SPMIP8: variants seen among roughly 807,000 people sequenced by gnomAD.
The protein encoded by SPMIP8 is testicular tissue protein Li 196.
the SPMIP8 span, chr16:57,985,120 G>A: frequency 2.2e-6 from 3 of 1,356,002 alleles, no homozygotes; most frequent in South Asian, 3.0e-5. Context: ...GGGCGGGGCT[G>A]GATTGTGGGC....
At chr16:57,976,930 G>A in the SPMIP8 span, among the ~76,000 whole-genome samples, 1 of 152,182 alleles carries the variant, frequency 6.6e-6, no homozygotes, top group African/African-American at 2.4e-5. Flanking sequence ...GAGGCACTGG[G>A]TATCCAGTAA....
chr16:57,977,670 C>T, the SPMIP8 span: 2 of 873,220 alleles, frequency 2.3e-6, no homozygotes, highest in African/African-American at 1.7e-5. Flanking sequence ...TGCTGAGCTC[C>T]AGAAAAATGG....
chr16:57,981,501 CTTTTTTTT>C, the SPMIP8 span, among the ~76,000 whole-genome samples: 1 of 68,976 alleles, frequency 1.4e-5, no homozygotes, highest in Non-Finnish European at 2.5e-5. Flanking sequence ...CTCTCTTTCT[CTTTTTTTT>C]TTTTTTTTTT....
the SPMIP8 span, among the ~76,000 whole-genome samples, chr16:57,977,157 C>T: frequency 2.6e-5 from 4 of 152,156 alleles, no homozygotes; most frequent in East Asian, 3.9e-4. Flanking sequence ...CACCTGTAAT[C>T]CCAGCACTTT....
the SPMIP8 span, chr16:57,986,977 ACTCC>A: frequency 6.3e-6 from 1 of 159,860 alleles, no homozygotes. Context: ...ACCGGCTCAC[ACTCC>A]CTCCCATTGG....
the SPMIP8 span, chr16:57,977,676 A>C: frequency 1.1e-6 from 1 of 920,580 alleles, no homozygotes; most frequent in Non-Finnish European, 1.7e-6. Context: ...GCTCCAGAAA[A>C]ATGGCCTGGC....
the SPMIP8 span, chr16:57,985,619 G>A: frequency 6.6e-7 from 1 of 1,509,148 alleles, no homozygotes; most frequent in South Asian, 1.3e-5. Context: ...CTTTCCTAGC[G>A]CACAGGCAAT....
chr16:57,983,008 C>T, the SPMIP8 span, among the ~76,000 whole-genome samples: 1 of 151,980 alleles, frequency 6.6e-6, no homozygotes. Context: ...CCAGCCTGGG[C>T]GACAGAGCGA....
At chr16:57,987,480 C>A in the SPMIP8 span, 2 of 1,551,776 alleles carry the variant, frequency 1.3e-6, no homozygotes, top group East Asian at 4.9e-5. Flanking sequence ...CCTCAGGTCC[C>A]CTGGCCAGAC....
the SPMIP8 span, chr16:57,985,127 G>A: frequency 7.2e-7 from 1 of 1,380,784 alleles, no homozygotes; most frequent in Non-Finnish European, 9.5e-7. Flanking sequence ...GCTGGATTGT[G>A]GGCGGGGCTT....
chr16:57,985,784 T>G, the SPMIP8 span: 2 of 1,340,206 alleles, frequency 1.5e-6, no homozygotes, highest in Non-Finnish European at 2.0e-6. Flanking sequence ...TCGCATTGGG[T>G]GAAGGCGCCC....
At chr16:57,987,378 C>A in the SPMIP8 span, 1 of 1,583,482 alleles carries the variant, frequency 6.3e-7, no homozygotes, top group African/African-American at 1.4e-5. Flanking sequence ...CCCACCTCAC[C>A]CCTACTTCTC....
At chr16:57,978,322 C>T in the SPMIP8 span, among the ~76,000 whole-genome samples, 1 of 152,088 alleles carries the variant, frequency 6.6e-6, no homozygotes, top group Admixed American at 6.5e-5. Flanking sequence ...GGCTGATAAC[C>T]TGAGGTCAGG....
chr16:57,984,842 G>T, the SPMIP8 span: 1 of 1,563,670 alleles, frequency 6.4e-7, no homozygotes, highest in Non-Finnish European at 8.7e-7. Flanking sequence ...GGAACTGCCG[G>T]GCAGGTGGGC....
At chr16:57,982,068 A>ACCTT in the SPMIP8 span, among the ~76,000 whole-genome samples, 1 of 152,182 alleles carries the variant, frequency 6.6e-6, no homozygotes, top group South Asian at 2.1e-4. Context: ...AGTACCCACC[A>ACCTT]CCTTCCTCCT....
chr16:57,985,246 C>A, the SPMIP8 span: 1 of 1,556,466 alleles, frequency 6.4e-7, no homozygotes, highest in East Asian at 2.3e-5. Context: ...ACTTGAAGCC[C>A]GACGTGACCC....
chr16:57,976,760 C>A, the SPMIP8 span: 1 of 1,130,604 alleles, frequency 8.8e-7, no homozygotes, highest in Non-Finnish European at 1.3e-6. Flanking sequence ...CCCCTCCCTG[C>A]TCCTCCATGA....
chr16:57,980,163 CCTCCAG>C, the SPMIP8 span, among the ~76,000 whole-genome samples: 5 of 152,166 alleles, frequency 3.3e-5, no homozygotes, highest in Non-Finnish European at 5.9e-5. Flanking sequence ...GGAAAGTGTG[CCTCCAG>C]CTTAAGCCCA....
At chr16:57,987,572 C>T in the SPMIP8 span, 11 of 859,958 alleles carry the variant, frequency 1.3e-5, no homozygotes, top group Middle Eastern at 2.7e-4. Flanking sequence ...TAGAGACACA[C>T]GCAATTGTCT....
Sources: gnomAD v4.1 joint callset for allele counts (sites outside exome capture counted in the v4.1 genomes callset) on GRCh38, gnomAD v4.1.1 for gene constraint, MANE v1.5 for transcripts, NCBI Gene and HGNC (gene_info 2026-07-23, HGNC 2026-07-21) for gene names.